CDH13: variants seen among roughly 807,000 people sequenced by gnomAD.
CDH13 encodes cadherin-13.
A neutral mutation model predicts 63.8 loss-of-function variants in CDH13; 24 were observed. The observed-to-expected ratio is 0.38, with a 90% confidence interval of 0.27 to 0.53. The LOEUF (loss-of-function observed/expected upper bound fraction) is 0.53. CDH13 is among the 20% of genes least tolerant of loss of function. CDH13 has a pLI of 0.85. For synonymous variants in CDH13, 503 were observed against 355.3 expected (o/e 1.42, Z -4.67); for missense variants, 1,049 against 903.1 (o/e 1.16, Z -2.07).
At chr16:82,837,004 C>T (rs2038795929) in intron 1 of CDH13, among the ~76,000 whole-genome samples, 1 of 152,200 alleles carries the variant, frequency 6.6e-6, no homozygotes, top group South Asian at 2.1e-4. Context: ...AGAGGTGGAG[C>T]TTGAATGAGC....
At chr16:82,758,731 G>T (rs1002049667) in intron 1 of CDH13, among the ~76,000 whole-genome samples, 4 of 152,166 alleles carry the variant, frequency 2.6e-5, no homozygotes, top group African/African-American at 9.7e-5. Context: ...GGTGTAACAG[G>T]CATTAGGCTG....
At chr16:83,704,961 A>G (rs941458665) in intron 10 of CDH13, among the ~76,000 whole-genome samples, 11 of 152,354 alleles carry the variant, frequency 7.2e-5, no homozygotes, top group Admixed American at 7.2e-4. Flanking sequence ...GTTTCCAATC[A>G]TTTAGAAACT....
chr16:83,682,031 C>A (rs1915449930), intron 10 of CDH13, among the ~76,000 whole-genome samples: 1 of 152,214 alleles, frequency 6.6e-6, no homozygotes, highest in Non-Finnish European at 1.5e-5. Context: ...TCTCTAATAT[C>A]TTTTTCTTCT....
chr16:83,724,201 A>C (rs772670998), intron 10 of CDH13, among the ~76,000 whole-genome samples: 16 of 122,084 alleles, frequency 1.3e-4, no homozygotes, highest in Non-Finnish European at 3.1e-4. Context: ...GTGGGTGATG[A>C]ATGCATGGGT....
At chr16:83,643,843 C>T (rs1165991694) in intron 8 of CDH13, among the ~76,000 whole-genome samples, 1 of 152,176 alleles carries the variant, frequency 6.6e-6, no homozygotes, top group African/African-American at 2.4e-5. Flanking sequence ...TGGAGAGCCC[C>T]CCAAGTTTCC....
chr16:83,282,455 A>G (rs573425141), intron 5 of CDH13, among the ~76,000 whole-genome samples: 1 of 152,368 alleles, frequency 6.6e-6, no homozygotes, highest in East Asian at 1.9e-4. Context: ...GGAGAAGCTA[A>G]AAATGTAACG....
intron 1 of CDH13, among the ~76,000 whole-genome samples, chr16:82,690,250 G>T (rs979368342): frequency 6.6e-6 from 1 of 151,250 alleles, no homozygotes; most frequent in Admixed American, 6.6e-5. Context: ...ATATGAAGAA[G>T]AATGGTGAGA....
intron 1 of CDH13, among the ~76,000 whole-genome samples, chr16:82,708,049 C>T (rs1279581394): frequency 6.6e-6 from 1 of 152,146 alleles, no homozygotes; most frequent in Non-Finnish European, 1.5e-5. Context: ...GCTCAGACGT[C>T]ACCTTGGGCA....
At chr16:83,667,158 G>A (rs1914064832) in intron 8 of CDH13, among the ~76,000 whole-genome samples, 1 of 152,034 alleles carries the variant, frequency 6.6e-6, no homozygotes, top group African/African-American at 2.4e-5. Context: ...GCAGGTAAAT[G>A]CCGTTGTGGA....
chr16:82,870,166 T>C (rs2040294331), intron 2 of CDH13, among the ~76,000 whole-genome samples: 3 of 152,082 alleles, frequency 2.0e-5, no homozygotes, highest in South Asian at 2.1e-4. Flanking sequence ...AAGATATGAA[T>C]TGACGTTTCT....
At chr16:83,578,650 C>T (rs901866476) in intron 7 of CDH13, among the ~76,000 whole-genome samples, 18 of 152,240 alleles carry the variant, frequency 1.2e-4, no homozygotes, top group Non-Finnish European at 2.4e-4. Flanking sequence ...ACTGCATGCC[C>T]AGCAGTGCCC....
At chr16:83,029,706 T>C (rs1597175459) in intron 2 of CDH13, among the ~76,000 whole-genome samples, 1 of 152,116 alleles carries the variant, frequency 6.6e-6, no homozygotes, top group Non-Finnish European at 1.5e-5. Flanking sequence ...TAATGTAGCC[T>C]CTGGGGAAGA....
intron 2 of CDH13, among the ~76,000 whole-genome samples, chr16:82,934,270 G>C (rs964268847): frequency 2.0e-5 from 3 of 152,192 alleles, no homozygotes; most frequent in African/African-American, 7.2e-5. Flanking sequence ...ACACCACATG[G>C]AAGCTGCCAA....
chr16:83,044,394 C>G (rs974471589), intron 3 of CDH13, among the ~76,000 whole-genome samples: 2 of 152,074 alleles, frequency 1.3e-5, no homozygotes. Flanking sequence ...AAAATAAATC[C>G]AGAGCTGAGC....
intron 1 of CDH13, among the ~76,000 whole-genome samples, chr16:82,634,853 C>G (rs1413425484): frequency 2.0e-5 from 3 of 152,192 alleles, no homozygotes. Flanking sequence ...GGAGATTCAC[C>G]TGAGACCAAA....
At chr16:83,540,847 C>G (rs2075284789) in intron 7 of CDH13, among the ~76,000 whole-genome samples, 1 of 152,276 alleles carries the variant, frequency 6.6e-6, no homozygotes, top group Middle Eastern at 3.4e-3. Context: ...CCAGGATGGT[C>G]TTGATCTCCC....
intron 10 of CDH13, among the ~76,000 whole-genome samples, chr16:83,739,084 G>C (rs1370484468): frequency 6.6e-6 from 1 of 152,198 alleles, no homozygotes; most frequent in Non-Finnish European, 1.5e-5. Flanking sequence ...GCCTCAGCTG[G>C]TATGTAGAAT....
intron 10 of CDH13, among the ~76,000 whole-genome samples, chr16:83,703,832 C>A (rs1472634366): frequency 1.3e-5 from 2 of 152,210 alleles, no homozygotes; most frequent in Admixed American, 1.3e-4. Context: ...CCTAGACCAA[C>A]ATGCCTCTGA....
rs1217651988 is a variant in CDH13, at chr16:82,966,063, T to G, written c.158-65947T>G. Among the ~76,000 whole-genome samples, 4 of 152,236 alleles carry G rather than the reference T, an allele frequency of 2.6e-5. No individual in the cohort carries two copies. The East Asian group carries it at 7.7e-4, about 29-fold the overall frequency. ...CCTTGGCAGGCAGGCTCAGGCATTGTGCAGCCCTGTGTAAAATTTTCCTCA... is the reference window on the plus strand; with the variant it reads ...CCTTGGCAGGCAGGCTCAGGCATTGGGCAGCCCTGTGTAAAATTTTCCTCA... On this transcript the variant is annotated intron_variant, in intron 2 of 13. Coordinates refer to ENST00000567109, the MANE Select transcript of CDH13 (RefSeq NM_001257.5).
Sources: gnomAD v4.1 joint callset for allele counts (sites outside exome capture counted in the v4.1 genomes callset) on GRCh38, gnomAD v4.1.1 for gene constraint, MANE v1.5 for transcripts, NCBI Gene and HGNC (gene_info 2026-07-23, HGNC 2026-07-21) for gene names.